MYO3B: variants seen among roughly 807,000 people sequenced by gnomAD.
MYO3B encodes the protein myosin-IIIb.
In MYO3B, 156 loss-of-function variants were observed where a neutral mutation model predicts 174.6. The observed-to-expected ratio is 0.89, with a 90% CI of 0.78 to 1.02. The LOEUF (loss-of-function observed/expected upper bound fraction) is 1.02. Among genes scored for constraint, MYO3B ranks in the 50% least tolerant of loss-of-function variants. MYO3B has a pLI of 0.00. For synonymous variants in MYO3B, 563 were observed against 569.1 expected (o/e 0.99, Z 0.15); for missense variants, 1,632 against 1,639.4 (o/e 1.00, Z 0.08).
intron 32 of MYO3B, among the ~76,000 whole-genome samples, chr2:170,610,817 T>C (rs1695085375): frequency 6.6e-6 from 1 of 152,202 alleles, no homozygotes; most frequent in Non-Finnish European, 1.5e-5. Context: ...GTAGATGAAA[T>C]TTGAATTGTT....
chr2:170,636,133 T>A (rs1044486251), intron 32 of MYO3B, among the ~76,000 whole-genome samples: 105 of 152,326 alleles, frequency 6.9e-4, no homozygotes, highest in Non-Finnish European at 1.0e-4. Context: ...CCAGTTACCT[T>A]ATTATGAAGC....
At chr2:170,419,360 A>C (rs182134333) in intron 22 of MYO3B, among the ~76,000 whole-genome samples, 62 of 152,340 alleles carry the variant, frequency 4.1e-4, no homozygotes, top group African/African-American at 1.2e-3. Flanking sequence ...GTTGGAGATC[A>C]AGTTGTCAGC....
intron 7 of MYO3B, among the ~76,000 whole-genome samples, chr2:170,300,016 T>C (rs561188130): frequency 6.6e-6 from 1 of 152,346 alleles, no homozygotes; most frequent in East Asian, 1.9e-4. Flanking sequence ...CACTATTGTT[T>C]TGAGCTTGCA....
intron 25 of MYO3B, among the ~76,000 whole-genome samples, chr2:170,498,287 T>C (rs2106071644): frequency 6.6e-6 from 1 of 152,334 alleles, no homozygotes; most frequent in Admixed American, 6.5e-5. Flanking sequence ...GAGAGTTGTC[T>C]AAATTTCAGC....
chr2:170,512,756 AT>A (rs781312948), intron 28 of MYO3B, among the ~76,000 whole-genome samples: 1 of 152,208 alleles, frequency 6.6e-6, no homozygotes, highest in Non-Finnish European at 1.5e-5. Flanking sequence ...AATAGGGATT[AT>A]TATTTTGAAA....
chr2:170,400,323 T>G lies in MYO3B; in HGVS notation c.1918+9T>G. ...TGAAGCTTTGCAAAATGGTAATTAT[T>G]TGATATTTGTGGGCTGTGTTGTTGC... is the stretch of plus-strand genomic sequence containing the variant. On this transcript the variant is annotated intron_variant, in intron 17 of 34. Transcript: ENST00000408978. 1.9e-6 allele frequency: 3 copies of G among 1,613,962 alleles called. No homozygotes were observed. Among genetic ancestry groups the G allele is most frequent in the Non-Finnish European group, 2.5e-6 (3 of 1,179,968 alleles).
At chr2:170,199,050 G>A (rs75679552) in intron 1 of MYO3B, among the ~76,000 whole-genome samples, 158 bp from the exon 2 acceptor site, 1 of 152,028 alleles carries the variant, frequency 6.6e-6, no homozygotes, top group Admixed American at 6.6e-5. Context: ...TCTTAAGGAG[G>A]GTCCAAGTTC....
chr2:170,507,508 T>C (rs1687687351), intron 28 of MYO3B, among the ~76,000 whole-genome samples: 1 of 152,178 alleles, frequency 6.6e-6, no homozygotes, highest in South Asian at 2.1e-4. Context: ...CAAGGGATTC[T>C]CCTGCCTCAG....
intron 6 of MYO3B, among the ~76,000 whole-genome samples, chr2:170,228,249 T>C (rs111955702): frequency 4.3e-4 from 66 of 152,322 alleles, no homozygotes; most frequent in African/African-American, 1.6e-3. Context: ...CCATGGAGTT[T>C]GCTCCTGCTT....
intron 23 of MYO3B, among the ~76,000 whole-genome samples, chr2:170,445,456 C>T (rs1369110691): frequency 6.6e-6 from 1 of 152,068 alleles, no homozygotes; most frequent in Non-Finnish European, 1.5e-5. Context: ...ATTCTCCTGC[C>T]TCAGCCTCCT....
chr2:170,302,193 A>G (rs562155777), intron 7 of MYO3B, among the ~76,000 whole-genome samples: 1 of 152,290 alleles, frequency 6.6e-6, no homozygotes, highest in East Asian at 1.9e-4. Context: ...ATGAGTAATA[A>G]CAATTGAAGT....
At chr2:170,341,243 T>A (rs2093974992) in intron 8 of MYO3B, 1 of 152,224 alleles carries the variant, frequency 6.6e-6, no homozygotes, top group Non-Finnish European at 1.5e-5. Context: ...AAGGCAACAA[T>A]TCTCAGCTCT....
intron 7 of MYO3B, among the ~76,000 whole-genome samples, chr2:170,309,354 CT>C: frequency 6.6e-6 from 1 of 152,218 alleles, no homozygotes; most frequent in East Asian, 1.9e-4. Flanking sequence ...TACTAGCTTC[CT>C]TTTTATCCTG....
chr2:170,523,669 T>C (rs115720762), intron 30 of MYO3B, among the ~76,000 whole-genome samples: 1,978 of 152,320 alleles, frequency 0.013, 41 homozygotes, highest in African/African-American at 0.045. Context: ...TTTGCTTTGC[T>C]GTTCTCAGCA....
At chr2:170,280,605 T>C (rs1320623733) in intron 7 of MYO3B, among the ~76,000 whole-genome samples, 1 of 128,314 alleles carries the variant, frequency 7.8e-6, no homozygotes, top group Non-Finnish European at 1.7e-5. Flanking sequence ...TTTTTATAGT[T>C]GGGTTTTTAC....
At chr2:170,322,203 G>C (rs779458881) in intron 7 of MYO3B, among the ~76,000 whole-genome samples, 1 of 151,152 alleles carries the variant, frequency 6.6e-6, no homozygotes, top group Non-Finnish European at 1.5e-5. Flanking sequence ...AGTGACAACA[G>C]ATTGATTTTT....
chr2:170,327,342 G>T (rs981932537), intron 7 of MYO3B, among the ~76,000 whole-genome samples: 1 of 152,222 alleles, frequency 6.6e-6, no homozygotes. Context: ...CTGAGATCAC[G>T]CCACTGCACT....
intron 7 of MYO3B, among the ~76,000 whole-genome samples, chr2:170,258,731 A>G (rs892822573): frequency 1.3e-5 from 2 of 152,182 alleles, no homozygotes; most frequent in African/African-American, 4.8e-5. Context: ...AGAAAACGAA[A>G]TAAAAGGCAT....
intron 7 of MYO3B, among the ~76,000 whole-genome samples, chr2:170,295,959 C>T (rs1304540212): frequency 6.6e-6 from 1 of 152,142 alleles, no homozygotes; most frequent in Non-Finnish European, 1.5e-5. Flanking sequence ...GTAGAGTGCA[C>T]CTTTTTCAGG....
Sources: gnomAD v4.1 joint callset for allele counts (sites outside exome capture counted in the v4.1 genomes callset) on GRCh38, gnomAD v4.1.1 for gene constraint, MANE v1.5 for transcripts, NCBI Gene and HGNC (gene_info 2026-07-23, HGNC 2026-07-21) for gene names.